The following DYRK1A variants were observed in gnomAD, a reference collection of about 807,000 sequenced individuals.
DYRK1A encodes dual specificity tyrosine-phosphorylation-regulated kinase 1A.
Under a neutral mutation model 79.7 loss-of-function variants are expected in DYRK1A, and 9 were observed. The observed-to-expected ratio is 0.11, with a 90% CI of 0.07 to 0.20. The LOEUF (loss-of-function observed/expected upper bound fraction) is 0.20. Among genes scored for constraint, DYRK1A ranks in the 10% least tolerant of loss-of-function variants. The probability of loss-of-function intolerance (pLI) is 1.00; values close to 1 mark genes in which losing one functional copy is unlikely to be tolerated. For synonymous variants in DYRK1A, 349 were observed against 329.7 expected (o/e 1.06, Z -0.63); for missense variants, 622 against 956.0 (o/e 0.65, Z 4.61).
At chr21:37,417,624 C>T (rs1372302312) in intron 1 of DYRK1A, among the ~76,000 whole-genome samples, 1 of 133,064 alleles carries the variant, frequency 7.5e-6, no homozygotes, top group African/African-American at 2.8e-5. Context: ...CTGTGGAATA[C>T]AGACACCAAG....
At position 37,514,166 on chromosome 21, in the gene DYRK1A, C is replaced by CCTTGATTGCA. The variant is rs1316545264; in HGVS notation, c.*1637_*1646dup. ...CCTACTTGTAAACTTGAAAGCAAGA[C>CCTTGATTGCA]CTTGATTGCACCAACAGGTCCAGAG... On this transcript the variant is annotated 3_prime_UTR_variant, in exon 12 of 12. Coordinates refer to ENST00000647188, the MANE Select transcript of DYRK1A (RefSeq NM_001347721.2). 1.3e-5 allele frequency: 2 copies of CCTTGATTGCA among 152,644 alleles called. No homozygotes were observed. Among genetic ancestry groups the CCTTGATTGCA allele is most frequent in the African/African-American group, 2.4e-5 (1 of 41,454 alleles). 9.5% of individuals were successfully genotyped at this position (152,644 alleles called of 1,614,324 possible). A position where few individuals can be genotyped will look rare whatever the true frequency, so the allele number is the denominator to read the frequency against.
chr21:37,509,500 GCACTCGTGT>G (rs1232530508), intron 11 of DYRK1A, among the ~76,000 whole-genome samples: 1 of 152,178 alleles, frequency 6.6e-6, no homozygotes, highest in East Asian at 1.9e-4. Flanking sequence ...AGGCTGGAGT[GCACTCGTGT>G]CATCACAGCT....
chr21:37,388,671 G>A (rs1214953192), intron 1 of DYRK1A, among the ~76,000 whole-genome samples: 1 of 149,010 alleles, frequency 6.7e-6, no homozygotes, highest in Non-Finnish European at 1.5e-5. Context: ...TTTTTTCGGA[G>A]TCTCGCTCTG....
chr21:37,395,303 C>T (rs1365373083), intron 1 of DYRK1A, among the ~76,000 whole-genome samples: 1 of 152,156 alleles, frequency 6.6e-6, no homozygotes, highest in Admixed American at 6.5e-5. Context: ...GTTTGAAGAT[C>T]GCATTTTTAG....
At position 37,420,339 on chromosome 21, in the gene DYRK1A, A is replaced by C. The variant is rs2148427231; in HGVS notation, c.-36A>C. On this transcript the variant is annotated 5_prime_UTR_variant, in exon 2 of 12. Transcript: ENST00000647188. Reference sequence around the variant, plus strand: ...GCTGGACTCTTCCCTCCCTTCCCCCACCCCATCAGGATGATATGAGACTTG... The same window carrying C: ...GCTGGACTCTTCCCTCCCTTCCCCCCCCCCATCAGGATGATATGAGACTTG... 1 of 1,608,404 alleles carries C rather than the reference A, an allele frequency of 6.2e-7. No homozygotes were observed. Among genetic ancestry groups the C allele is most frequent in the Non-Finnish European group, 8.5e-7 (1 of 1,176,502 alleles).
At chr21:37,472,104 G>T (rs749783753) in intron 2 of DYRK1A, among the ~76,000 whole-genome samples, 10 of 152,130 alleles carry the variant, frequency 6.6e-5, no homozygotes, top group Admixed American at 6.5e-5. Context: ...TGTTTGAAAG[G>T]TGCAGAGAAA....
At chr21:37,458,452 C>G (rs568068570) in intron 2 of DYRK1A, among the ~76,000 whole-genome samples, 1 of 152,126 alleles carries the variant, frequency 6.6e-6, no homozygotes, top group South Asian at 2.1e-4. Context: ...GGCTCCAGAT[C>G]GTCTTTGAGG....
chr21:37,439,965 TTA>T (rs2051042839), intron 2 of DYRK1A, among the ~76,000 whole-genome samples: 2 of 152,018 alleles, frequency 1.3e-5, no homozygotes, highest in African/African-American at 4.8e-5. Context: ...ATGATGGTCT[TTA>T]TTTTGATTGT....
intron 1 of DYRK1A, among the ~76,000 whole-genome samples, chr21:37,374,809 T>C (rs2049504906): frequency 6.6e-6 from 1 of 152,178 alleles, no homozygotes; most frequent in Non-Finnish European, 1.5e-5. Context: ...TGCCTTGGCC[T>C]CCCAAAGTGC....
In DYRK1A at chr21:37,512,149, C is replaced by T. The variant is rs142149555; in HGVS notation, c.1883C>T (p.Thr628Met). The stretch of plus-strand genomic sequence containing the variant: ...AGGCCAAGGGTCTACAATTCTCCAA[C>T]GAATAGCTCCTCTACCCAAGATTCT... Reference protein sequence around the residue: ...RTRPRVYNSPTNSSSTQDSME... With the variant: ...RTRPRVYNSPMNSSSTQDSME... The change falls in exon 12 of 12, where the codon ACG becomes ATG. Residue 628 changes from threonine to methionine, a missense_variant. By Grantham distance (81) the Thr-to-Met change is moderately conservative. Transcript: ENST00000647188. The T allele has an allele frequency of 6.2e-6, 10 of 1,614,090 alleles. No individual in the cohort carries two copies. Among genetic ancestry groups the T allele is most frequent in the Middle Eastern group, 1.6e-4 (1 of 6,084 alleles).
intron 2 of DYRK1A, among the ~76,000 whole-genome samples, chr21:37,455,064 T>TA (rs1291769818): frequency 6.7e-6 from 1 of 149,724 alleles, no homozygotes; most frequent in Non-Finnish European, 1.5e-5. Context: ...TTGAGCAGGT[T>TA]AGGTTACATT....
chr21:37,387,288 A>G (rs1602381812), intron 1 of DYRK1A, among the ~76,000 whole-genome samples: 1 of 152,190 alleles, frequency 6.6e-6, no homozygotes, highest in African/African-American at 2.4e-5. Flanking sequence ...TCCTGATTAT[A>G]GTTATATAAT....
At chr21:37,398,343 TA>T (rs755567725) in intron 1 of DYRK1A, among the ~76,000 whole-genome samples, 173 of 142,122 alleles carry the variant, frequency 1.2e-3, no homozygotes, top group Middle Eastern at 0.011. Flanking sequence ...TCCTGTCTCT[TA>T]AAAAAAAAAA....
chr21:37,394,231 T>C (rs1391583520), intron 1 of DYRK1A, among the ~76,000 whole-genome samples: 1 of 151,962 alleles, frequency 6.6e-6, no homozygotes, highest in Non-Finnish European at 1.5e-5. Context: ...AAACCCTTTT[T>C]TTTTTTTCTA....
At chr21:37,486,012 G>A (rs1255345812) in intron 5 of DYRK1A, 2 of 151,992 alleles carry the variant, frequency 1.3e-5, no homozygotes, top group East Asian at 3.9e-4. Flanking sequence ...GTTATCTGAA[G>A]CCTTCTGCTG....
At chr21:37,421,500 C>A (rs570848939) in intron 2 of DYRK1A, among the ~76,000 whole-genome samples, 13 of 152,058 alleles carry the variant, frequency 8.5e-5, no homozygotes, top group Non-Finnish European at 1.2e-4. Flanking sequence ...GATGTTAATT[C>A]TTGTTTACGT....
At chr21:37,416,604 T>C (rs2050347325) in intron 1 of DYRK1A, among the ~76,000 whole-genome samples, 1 of 152,170 alleles carries the variant, frequency 6.6e-6, no homozygotes, top group Non-Finnish European at 1.5e-5. Context: ...CTGTCACTTC[T>C]TTAATTCGTT....
chr21:37,518,511 G>T lies in DYRK1A; in HGVS notation c.*5980G>T, dbSNP rs1482529726. On this transcript the variant is annotated 3_prime_UTR_variant, in exon 12 of 12. Coordinates refer to ENST00000647188, the MANE Select transcript of DYRK1A (RefSeq NM_001347721.2). Reference sequence around the variant, plus strand: ...ATTCAGAGTTGGGGTGGGGCCTGGAGCTCTGTTTTCTGAAACTTTGCGGGC... The same window carrying T: ...ATTCAGAGTTGGGGTGGGGCCTGGATCTCTGTTTTCTGAAACTTTGCGGGC... The T allele has an allele frequency of 6.6e-6, 1 of 152,128 alleles. No individual in the cohort carries two copies. The highest frequency in any genetic ancestry group is 1.5e-5 in the Non-Finnish European group (1 of 68,076). The allele number at this position is 152,128 out of a possible 1,614,324, so 9.4% of individuals were successfully genotyped here.
intron 1 of DYRK1A, among the ~76,000 whole-genome samples, chr21:37,377,014 T>C (rs2049557134): frequency 6.6e-6 from 1 of 152,230 alleles, no homozygotes; most frequent in South Asian, 2.1e-4. Context: ...TTTAAGTGCA[T>C]AGACAGGTGT....
Sources: gnomAD v4.1 joint callset for allele counts (sites outside exome capture counted in the v4.1 genomes callset) on GRCh38, gnomAD v4.1.1 for gene constraint, MANE v1.5 for transcripts, NCBI Gene and HGNC (gene_info 2026-07-23, HGNC 2026-07-21) for gene names.